The following SPRY3 variants were observed in gnomAD, a reference collection of about 807,000 sequenced individuals.
The protein encoded by SPRY3 is protein sprouty homolog 3.
In SPRY3, 15 loss-of-function variants were observed where a neutral mutation model predicts 20.2. The observed-to-expected ratio is 0.74, with a 90% CI of 0.50 to 1.14. The LOEUF is 1.14. SPRY3 is among the 50% of genes most tolerant of loss of function. SPRY3 has a pLI of 0.00. For missense variants in SPRY3, 364 were observed against 363.9 expected, an observed-to-expected ratio of 1.00 and a Z score of 0.00; for synonymous variants, 143 against 136.5, an observed-to-expected ratio of 1.05 and a Z score of -0.33.
intron 2 of SPRY3, among the ~76,000 whole-genome samples, chrX:155,708,090 G>T (rs1425387555): frequency 6.6e-6 from 1 of 151,036 alleles, no homozygotes; most frequent in African/African-American, 2.4e-5. Flanking sequence ...GTTAATGGCT[G>T]CTCCAGGGAT....
chrX:155,782,305 G>C (rs1569406051), exon 2 of SPRY3: 1 of 166,870 alleles, frequency 6.0e-6, no homozygotes, highest in Non-Finnish European at 1.5e-5. Flanking sequence ...CACATTTCTT[G>C]AACTCCAGCG....
intron 1 of SPRY3, among the ~76,000 whole-genome samples, chrX:155,629,692 C>T (rs982355436): frequency 9.0e-6 from 1 of 111,731 alleles, no homozygotes; most frequent in East Asian, 2.8e-4. Context: ...TTTTAATGAT[C>T]GCCATTCTAA....
intron 2 of SPRY3, among the ~76,000 whole-genome samples, chrX:155,693,885 C>T (rs1181755668): frequency 1.0e-5 from 1 of 99,894 alleles, no homozygotes; most frequent in Non-Finnish European, 2.0e-5. Flanking sequence ...TCCCTGAAGC[C>T]TCCAACTCGT....
At chrX:155,752,209 C>T (rs1426861556) in intron 2 of SPRY3, among the ~76,000 whole-genome samples, 1 of 151,414 alleles carries the variant, frequency 6.6e-6, no homozygotes, top group Non-Finnish European at 1.5e-5. Flanking sequence ...ACATAAGCTA[C>T]ATATCCCTAT....
intron 2 of SPRY3, among the ~76,000 whole-genome samples, chrX:155,689,192 T>A (rs1291803581): frequency 3.4e-5 from 3 of 87,771 alleles, no homozygotes; most frequent in African/African-American, 5.5e-5. Flanking sequence ...CATGCCTATG[T>A]TCTGAATGGT....
chrX:155,750,677 A>C (rs2091257875), intron 2 of SPRY3, among the ~76,000 whole-genome samples: 1 of 151,836 alleles, frequency 6.6e-6, no homozygotes, highest in Admixed American at 6.6e-5. Flanking sequence ...TTGTAAAACA[A>C]TGTCATCAGT....
intron 2 of SPRY3, among the ~76,000 whole-genome samples, chrX:155,752,573 TA>T (rs2091268686): frequency 6.6e-6 from 1 of 151,564 alleles, no homozygotes; most frequent in East Asian, 1.9e-4. Flanking sequence ...TACAGATCCA[TA>T]ATAAGAAAAA....
intron 2 of SPRY3, among the ~76,000 whole-genome samples, chrX:155,743,168 A>T (rs771192299): frequency 6.6e-6 from 1 of 152,278 alleles, no homozygotes; most frequent in South Asian, 2.1e-4. Context: ...ACAAACAACC[A>T]TCGGAAAATG....
In SPRY3 at chrX:155,774,793, C is replaced by G. The variant is rs1301792272; in HGVS notation, c.*55C>G. The G allele has an allele frequency of 5.2e-6, 8 of 1,543,352 alleles. No individual in the cohort carries two copies. The Admixed American group carries it at 7.7e-5, about 15-fold the overall frequency. ...CTCCTTCGAGTCCCCAACAGCAAAG[C>G]ATAGGCCTCATCTTTGGAGAGGGGG... is the stretch of plus-strand genomic sequence containing the variant. On this transcript the variant is annotated 3_prime_UTR_variant, in exon 4 of 4. Transcript: ENST00000675360.
At chrX:155,781,612 C>T (rs1163749073), downstream of SPRY3, 4 of 166,886 alleles carry the variant, frequency 2.4e-5, no homozygotes, top group Non-Finnish European at 4.4e-5. Flanking sequence ...CTACCCTATT[C>T]CCCCTCTGAG....
At chrX:155,753,730 A>G (rs1450370435) in intron 2 of SPRY3, among the ~76,000 whole-genome samples, 1 of 151,910 alleles carries the variant, frequency 6.6e-6, no homozygotes, top group African/African-American at 2.4e-5. Flanking sequence ...GAGGCTTCCA[A>G]TTTCTTCACA....
chrX:155,731,607 C>A (rs1162412285), intron 2 of SPRY3, among the ~76,000 whole-genome samples: 1 of 152,004 alleles, frequency 6.6e-6, no homozygotes, highest in Non-Finnish European at 1.5e-5. Context: ...GCAAAGATTT[C>A]TTAAGTCATA....
chrX:155,767,203 C>T (rs1238751464), intron 2 of SPRY3, among the ~76,000 whole-genome samples: 1 of 151,814 alleles, frequency 6.6e-6, no homozygotes, highest in Non-Finnish European at 1.5e-5. Context: ...AGCTACAGCT[C>T]CGGGAAAGCC....
intron 2 of SPRY3, among the ~76,000 whole-genome samples, chrX:155,734,424 C>G (rs2091154657): frequency 6.6e-6 from 1 of 151,748 alleles, no homozygotes; most frequent in Non-Finnish European, 1.5e-5. Flanking sequence ...GTTTGTGGCA[C>G]CCTGAAAGAA....
At chrX:155,753,921 G>C (rs306893) in intron 2 of SPRY3, among the ~76,000 whole-genome samples, 77,220 of 151,578 alleles carry the variant, frequency 0.51, 19,016 homozygotes, top group African/African-American at 0.59. Flanking sequence ...AATCCTTTGC[G>C]CATTTTTCCA....
intron 2 of SPRY3, among the ~76,000 whole-genome samples, chrX:155,688,190 T>A (rs185232294): frequency 7.4e-4 from 81 of 110,092 alleles, no homozygotes; most frequent in East Asian, 5.8e-4. Context: ...CCCACTCCAT[T>A]CGTGTCCCCG....
chrX:155,662,628 G>A (rs1013313736), intron 2 of SPRY3, among the ~76,000 whole-genome samples: 1 of 96,546 alleles, frequency 1.0e-5, no homozygotes, highest in Non-Finnish European at 2.0e-5. Flanking sequence ...ACCTTTGGAA[G>A]GCATATAATT....
At chrX:155,744,876 G>A (rs778482985) in intron 2 of SPRY3, among the ~76,000 whole-genome samples, 5 of 152,062 alleles carry the variant, frequency 3.3e-5, no homozygotes, top group African/African-American at 1.2e-4. Flanking sequence ...CAGTTCATTG[G>A]ATTGGGCTTC....
chrX:155,778,496 C>T (rs996914143), downstream of SPRY3: 18 of 164,398 alleles, frequency 1.1e-4, no homozygotes, highest in African/African-American at 4.2e-4. Context: ...CGTTTATTAG[C>T]CTTATCTTTA....
Sources: gnomAD v4.1 joint callset for allele counts (sites outside exome capture counted in the v4.1 genomes callset) on GRCh38, gnomAD v4.1.1 for gene constraint, MANE v1.5 for transcripts, NCBI Gene and HGNC (gene_info 2026-07-23, HGNC 2026-07-21) for gene names.